The following HMGCLL1 variants were observed in gnomAD, a reference collection of about 807,000 sequenced individuals.
HMGCLL1 encodes 3-hydroxymethyl-3-methylglutaryl-CoA lyase, cytoplasmic.
A neutral mutation model predicts 39.1 loss-of-function variants in HMGCLL1; 36 were observed. The observed-to-expected ratio is 0.92, with a 90% CI of 0.71 to 1.22. The LOEUF (loss-of-function observed/expected upper bound fraction) is 1.22. Ranked by LOEUF, HMGCLL1 falls within the 50% of genes most tolerant of loss-of-function variation. The pLI is 0.00. For missense variants in HMGCLL1, 451 were observed against 416.5 expected (o/e 1.08, Z -0.72); for synonymous variants, 149 against 144.0 (o/e 1.03, Z -0.25).
the HMGCLL1 span, among the ~76,000 whole-genome samples, chr6:55,588,936 T>G: frequency 6.6e-6 from 1 of 151,976 alleles, no homozygotes; most frequent in African/African-American, 2.4e-5. Context: ...CCAAAAAAAG[T>G]CCAGGACCAG....
the HMGCLL1 span, among the ~76,000 whole-genome samples, chr6:55,607,280 T>C: frequency 6.6e-6 from 1 of 152,202 alleles, no homozygotes; most frequent in Non-Finnish European, 1.5e-5. Context: ...TTCATGAGCA[T>C]TAAGTAGCTC....
chr6:55,624,445 A>T, the HMGCLL1 span, among the ~76,000 whole-genome samples: 11 of 152,298 alleles, frequency 7.2e-5, no homozygotes, highest in African/African-American at 2.6e-4. Context: ...CACCAAAAGC[A>T]ATTTGACTTC....
the HMGCLL1 span, among the ~76,000 whole-genome samples, chr6:55,588,588 AC>A: frequency 2.6e-5 from 4 of 152,056 alleles, no homozygotes; most frequent in African/African-American, 4.8e-5. Context: ...GACACAAAAA[AC>A]CCTTTAAAAA....
At chr6:55,450,687 G>C (rs1030604100) in intron 7 of HMGCLL1, among the ~76,000 whole-genome samples, 2 of 152,086 alleles carry the variant, frequency 1.3e-5, no homozygotes, top group Non-Finnish European at 2.9e-5. Context: ...AATATAAGTA[G>C]AAAACCATAA....
At chr6:55,588,548 A>T in the HMGCLL1 span, among the ~76,000 whole-genome samples, 2 of 151,972 alleles carry the variant, frequency 1.3e-5, no homozygotes, top group Non-Finnish European at 1.5e-5. Flanking sequence ...AAGAAATAAC[A>T]AAGATAAGAG....
the HMGCLL1 span, among the ~76,000 whole-genome samples, chr6:55,599,408 A>G: frequency 6.6e-6 from 1 of 152,194 alleles, no homozygotes; most frequent in Non-Finnish European, 1.5e-5. Context: ...AGTGATAAAT[A>G]ATATTTTTTA....
At chr6:55,665,164 G>A in the HMGCLL1 span, among the ~76,000 whole-genome samples, 1 of 151,670 alleles carries the variant, frequency 6.6e-6, no homozygotes, top group Admixed American at 6.6e-5. Flanking sequence ...TTACATGTCT[G>A]TGTTAACAGG....
chr6:55,660,903 A>G, the HMGCLL1 span, among the ~76,000 whole-genome samples: 2 of 151,852 alleles, frequency 1.3e-5, no homozygotes, highest in African/African-American at 4.8e-5. Context: ...GACTCTTAAT[A>G]ATAGTCATTC....
At chr6:55,537,126 TA>T (rs35563653) in intron 3 of HMGCLL1, among the ~76,000 whole-genome samples, 98,509 of 151,916 alleles carry the variant, frequency 0.65, 32,237 homozygotes, top group Admixed American at 0.71. Context: ...GAGAGTAATA[TA>T]AAACTTCAAA....
chr6:55,584,443 C>T, the HMGCLL1 span, among the ~76,000 whole-genome samples: 26 of 152,130 alleles, frequency 1.7e-4, no homozygotes, highest in Non-Finnish European at 2.9e-4. Flanking sequence ...TCCCATTCTT[C>T]ACCCTATCTC....
chr6:55,456,589 G>A (rs1430637824), intron 7 of HMGCLL1, among the ~76,000 whole-genome samples: 2 of 152,156 alleles, frequency 1.3e-5, no homozygotes, highest in Admixed American at 6.5e-5. Context: ...GATTCCTACA[G>A]AGTTCAGCCA....
At chr6:55,638,000 A>G in the HMGCLL1 span, among the ~76,000 whole-genome samples, 1 of 152,154 alleles carries the variant, frequency 6.6e-6, no homozygotes, top group Admixed American at 6.6e-5. Flanking sequence ...CACTTTGAAC[A>G]TGATCTAAAT....
rs1766003546 is a variant in HMGCLL1 at position 55,485,939 on chromosome 6, T to C, written c.795+9480A>G. Among the ~76,000 whole-genome samples the C allele has an allele frequency of 2.6e-5, 4 of 151,640 alleles. No individual in the cohort carries two copies. The South Asian group carries it at 8.3e-4, about 32-fold the overall frequency. ...TTTTCCCTGAAAATCCATTCTAAGA[T>C]GAATAAAATATTAGAAATAAGAATG... On this transcript the variant is annotated intron_variant, in intron 7 of 8. Transcript: ENST00000274901.
At chr6:55,659,232 C>T in the HMGCLL1 span, among the ~76,000 whole-genome samples, 10 of 151,742 alleles carry the variant, frequency 6.6e-5, no homozygotes, top group Admixed American at 3.3e-4. Flanking sequence ...AGAGAGAGAA[C>T]ACAAGCAAAA....
chr6:55,516,510 C>A lies in HMGCLL1; in HGVS notation c.391G>T (p.Ala131Ser). Residue 131 changes from alanine (A) to serine (S), a missense_variant and splice_region_variant, in exon 4 of 9, where the codon GCT (alanine) becomes TCT (serine). Physicochemically the swap from Ala to Ser is moderately conservative, Grantham distance 99. Transcript: ENST00000274901. ...AGAGATATTAGTAGCACACTTACAG[C>A]ATGGTGAAAACCCTGAAGATTAGGA... ...LTPNLQGFHHAVAAGATEISV... is the reference protein window; with the variant it reads ...LTPNLQGFHHSVAAGATEISV... 2 of 1,584,842 alleles carry A rather than the reference C, an allele frequency of 1.3e-6. No homozygotes were observed. Among genetic ancestry groups the A allele is most frequent in the African/African-American group, 1.3e-5 (1 of 74,670 alleles).
intron 3 of HMGCLL1, 149 bp downstream of exon 3, chr6:55,541,580 T>C: frequency 1.9e-6 from 1 of 532,404 alleles, no homozygotes; most frequent in South Asian, 2.9e-5. Context: ...TCAAAGGGTT[T>C]TTATTTAATC....
upstream of HMGCLL1, among the ~76,000 whole-genome samples, chr6:55,581,515 A>G (rs2127482380): frequency 6.6e-6 from 1 of 152,206 alleles, no homozygotes; most frequent in East Asian, 1.9e-4. Flanking sequence ...TAAAATTTAT[A>G]CATTTGAAAA....
chr6:55,655,355 A>AT, the HMGCLL1 span, among the ~76,000 whole-genome samples: 2 of 150,994 alleles, frequency 1.3e-5, no homozygotes, highest in Non-Finnish European at 3.0e-5. Flanking sequence ...TCCTGTTACA[A>AT]TTATACAGAA....
chr6:55,620,282 A>T, the HMGCLL1 span, among the ~76,000 whole-genome samples: 1 of 152,104 alleles, frequency 6.6e-6, no homozygotes, highest in African/African-American at 2.4e-5. Context: ...TCTTCTCCAC[A>T]GTGGCTGTAC....
Sources: gnomAD v4.1 joint callset for allele counts (sites outside exome capture counted in the v4.1 genomes callset) on GRCh38, gnomAD v4.1.1 for gene constraint, MANE v1.5 for transcripts, NCBI Gene and HGNC (gene_info 2026-07-23, HGNC 2026-07-21) for gene names.